The following MAX variants were observed in gnomAD, a reference collection of about 807,000 sequenced individuals.
The protein encoded by MAX is MYC associated transcriptional regulator X.
In MAX, 3 loss-of-function variants were observed where a neutral mutation model predicts 22.3. That is an observed-to-expected ratio of 0.13 (90% CI 0.06 to 0.35). MAX has a LOEUF of 0.35. Ranked by LOEUF, MAX falls within the 10% of genes least tolerant of loss-of-function variation. The pLI is 1.00. For synonymous variants in MAX, 72 were observed against 77.7 expected (o/e 0.93, Z 0.39); for missense variants, 119 against 209.4 (o/e 0.57, Z 2.66).
At position 65,079,288 on chromosome 14, in the gene MAX, T is replaced by A. The variant is rs902859575; in HGVS notation, c.172-1252A>T. On this transcript the variant is annotated intron_variant, in intron 3 of 4. Transcript: ENST00000358664. This position sits in a 1 kb window ranked among gnomAD's most constrained non-coding sequence, Gnocchi z 4.5. ...ACTTTCATAAAAAGCTGTCGGTGCT[T>A]GATGTCAACACAGGAAGAGCATGAG... Among the ~76,000 whole-genome samples, 2 of 152,190 alleles carry A rather than the reference T, an allele frequency of 1.3e-5. No individual in the cohort carries two copies. Among genetic ancestry groups the A allele is most frequent in the South Asian group, 4.1e-4 (2 of 4,832 alleles).
intron 3 of MAX, among the ~76,000 whole-genome samples, chr14:65,021,404 C>T (rs1324687233): frequency 6.6e-6 from 1 of 152,178 alleles, no homozygotes; most frequent in African/African-American, 2.4e-5. Context: ...TAGCTTATCC[C>T]CGGAATAGCC....
At chr14:65,086,731 G>C (rs2063343923) in intron 3 of MAX, among the ~76,000 whole-genome samples, 1 of 152,210 alleles carries the variant, frequency 6.6e-6, no homozygotes, top group African/African-American at 2.4e-5. Context: ...TTTGTAGCCT[G>C]ACAATGTGAT....
rs572823925 is a variant in MAX, at chr14:65,075,700, A to T, written c.*776T>A. 2 of 1,065,864 alleles carry T rather than the reference A, an allele frequency of 1.9e-6. No homozygotes were observed. The highest frequency in any genetic ancestry group is 3.3e-5 in the African/African-American group (2 of 60,976). The allele number at this position is 1,065,864 out of a possible 1,614,324, so 66.0% of individuals were successfully genotyped here. On this transcript the variant is annotated 3_prime_UTR_variant, in exon 5 of 5. Coordinates refer to ENST00000358664, the MANE Select transcript of MAX (RefSeq NM_002382.5). The surrounding 1 kb of genome is among the most constrained non-coding windows in gnomAD (Gnocchi z 4.1). ...ACAAAACCTCTATGCCACCCAAAAC[A>T]CCCTCCCTGTCCCAACCCCAAATGG...
Position 65,054,478 on chromosome 14 carries a change from C to G in MAX, c.171+39230G>C. ...TAGCCACATGGAGGATGGGGGGGGA[C>G]GTGTGATTGCACCAGTGGTCTCTGA... On this transcript the variant is annotated intron_variant, in intron 3 of 3. Coordinates refer to the MAX transcript ENST00000341653. The surrounding 1 kb of genome is among the most constrained non-coding windows in gnomAD (Gnocchi z 4.4). 1 of 1,207,250 alleles carries G rather than the reference C, an allele frequency of 8.3e-7. No homozygotes were observed. The highest frequency in any genetic ancestry group is 1.2e-6 in the Non-Finnish European group (1 of 852,350). 74.8% of individuals were successfully genotyped at this position (1,207,250 alleles called of 1,614,324 possible).
chr14:65,054,470 G>A lies in MAX; in HGVS notation c.171+39238C>T, dbSNP rs1042594652. 3 of 1,120,876 alleles carry A rather than the reference G, an allele frequency of 2.7e-6. No homozygotes were observed. The highest frequency in any genetic ancestry group is 2.2e-5 in the Admixed American group (1 of 45,256). 69.4% of individuals were successfully genotyped at this position (1,120,876 alleles called of 1,614,324 possible). A position where few individuals can be genotyped will look rare whatever the true frequency, so the allele number is the denominator to read the frequency against. ...GCCTCCTCTAGCCACATGGAGGATG[G>A]GGGGGGACGTGTGATTGCACCAGTG... On this transcript the variant is annotated intron_variant, in intron 3 of 3. Transcript: ENST00000341653. This position sits in a 1 kb window ranked among gnomAD's most constrained non-coding sequence, Gnocchi z 4.4.
rs553055778 is a variant in MAX at position 65,077,558 on chromosome 14, C to T, written c.295+355G>A. ...CCCTGAACACCTGGAGTCTCTGGTA[C>T]TTACACAGCACATTCCACTCCAAGG... On this transcript the variant is annotated intron_variant, in intron 4 of 4. Transcript: ENST00000358664. This position sits in a 1 kb window ranked among gnomAD's most constrained non-coding sequence, Gnocchi z 6.3. 35 of 925,956 alleles carry T rather than the reference C, an allele frequency of 3.8e-5. No individual in the cohort carries two copies. The African/African-American group carries it at 5.0e-4, about 13-fold the overall frequency. 57.4% of individuals were successfully genotyped at this position (925,956 alleles called of 1,614,324 possible). A position where few individuals can be genotyped will look rare whatever the true frequency, so the allele number is the denominator to read the frequency against.
chr14:65,061,434 C>T, intron 3 of MAX: 1 of 1,434,112 alleles, frequency 7.0e-7, no homozygotes, highest in South Asian at 1.4e-5. Flanking sequence ...CTGTGGTTCT[C>T]TTGGTACTTT....
Position 65,029,636 on chromosome 14 carries a change from C to G in MAX, c.172-23352G>C, listed in dbSNP as rs1307624820. Among the ~76,000 whole-genome samples the G allele has an allele frequency of 2.6e-5, 4 of 152,298 alleles. No homozygotes were observed. Among genetic ancestry groups the G allele is most frequent in the Non-Finnish European group, 4.4e-5 (3 of 68,032 alleles). Reference sequence around the variant, plus strand: ...GTGAGGATAAGGTGGAGGCAGGGATCTAGCATTTGCAGAAGTTTGGTGAGA... The same window carrying G: ...GTGAGGATAAGGTGGAGGCAGGGATGTAGCATTTGCAGAAGTTTGGTGAGA... On this transcript the variant is annotated intron_variant, in intron 3 of 3. Coordinates refer to the MAX transcript ENST00000341653. The surrounding 1 kb of genome is among the most constrained non-coding windows in gnomAD (Gnocchi z 4.7).
intron 3 of MAX, among the ~76,000 whole-genome samples, chr14:65,064,540 C>G (rs1315678647): frequency 6.6e-6 from 1 of 152,176 alleles, no homozygotes; most frequent in Admixed American, 6.5e-5. Flanking sequence ...GGGTCAGGTT[C>G]AGCAGACAGG....
Position 65,077,292 on chromosome 14 carries a change from A to ATTTATTTTAT in MAX, c.295+611_295+620dup, listed in dbSNP as rs1365435799. ...TGAGCCTGGAAGGTCAACCCATTTA[A>ATTTATTTTAT]TTTATTTTATTTTATTTTATTTGAG... On this transcript the variant is annotated intron_variant, in intron 4 of 4. Coordinates refer to ENST00000358664, the MANE Select transcript of MAX (RefSeq NM_002382.5). The surrounding 1 kb of genome is among the most constrained non-coding windows in gnomAD (Gnocchi z 6.3). The ATTTATTTTAT allele has an allele frequency of 1.1e-4, 147 of 1,302,968 alleles. 1 individual carries two copies. The African/African-American group carries it at 2.0e-3, about 18-fold the overall frequency. 80.7% of individuals were successfully genotyped at this position (1,302,968 alleles called of 1,614,324 possible).
intron 3 of MAX, among the ~76,000 whole-genome samples, chr14:65,052,141 A>G (rs1161897681): frequency 6.6e-6 from 1 of 152,172 alleles, no homozygotes; most frequent in African/African-American, 2.4e-5. Context: ...TTTTTAGCTC[A>G]GTTCTTTTTA....
chr14:65,086,719 A>G (rs1274943550), intron 3 of MAX, among the ~76,000 whole-genome samples: 1 of 152,180 alleles, frequency 6.6e-6, no homozygotes, highest in East Asian at 1.9e-4. Flanking sequence ...AAGTTCAGAA[A>G]ATTTGTAGCC....
Position 65,012,310 on chromosome 14 carries a change from T to G in MAX, c.172-6026A>C. 1 of 1,614,096 alleles carries G rather than the reference T, an allele frequency of 6.2e-7. No individual in the cohort carries two copies. On this transcript the variant is annotated intron_variant, in intron 3 of 3. Coordinates refer to the MAX transcript ENST00000341653. This position sits in a 1 kb window ranked among gnomAD's most constrained non-coding sequence, Gnocchi z 5.0. ...AGAATGGGCTTATAAACTGTTTGTCTTTCCAGGCTTGTTTTGCAGAGGGAG... is the reference window on the plus strand; with the variant it reads ...AGAATGGGCTTATAAACTGTTTGTCGTTCCAGGCTTGTTTTGCAGAGGGAG...
chr14:65,037,146 C>T (rs1167682394), intron 3 of MAX, among the ~76,000 whole-genome samples: 2 of 150,944 alleles, frequency 1.3e-5, no homozygotes, highest in African/African-American at 2.4e-5. Context: ...TGTTGTTACC[C>T]GGGCTGGAGT....
Position 65,044,784 on chromosome 14 carries a change from C to G in MAX, c.172-38500G>C, listed in dbSNP as rs906037679. 1 of 268,484 alleles carries G rather than the reference C, an allele frequency of 3.7e-6. No homozygotes were observed. Among genetic ancestry groups the G allele is most frequent in the Non-Finnish European group, 7.1e-6 (1 of 141,746 alleles). The allele number at this position is 268,484 out of a possible 1,614,324, so 16.6% of individuals were successfully genotyped here. A position where few individuals can be genotyped will look rare whatever the true frequency, so the allele number is the denominator to read the frequency against. Reference sequence around the variant, plus strand: ...GGCTCTGTGGTGATTGCCACCTCCTCTGGGTGCAGGGCAGAGCTGAAAACC... The same window carrying G: ...GGCTCTGTGGTGATTGCCACCTCCTGTGGGTGCAGGGCAGAGCTGAAAACC... On this transcript the variant is annotated intron_variant, in intron 3 of 3. Transcript: ENST00000341653. The surrounding 1 kb of genome is among the most constrained non-coding windows in gnomAD (Gnocchi z 5.5).
At chr14:65,053,399 A>G in intron 3 of MAX, 8 of 1,340,200 alleles carry the variant, frequency 6.0e-6, no homozygotes, top group Non-Finnish European at 7.7e-6. Flanking sequence ...GAGAGAGCAG[A>G]GGGGCGTGCA....
chr14:65,032,556 G>C lies in MAX; in HGVS notation c.172-26272C>G. ...GCAGTCCGCCCGCGGAGTTCACTGAGCCTCATTAGCTCTTCCGTAGAGCTT... is the reference window on the plus strand; with the variant it reads ...GCAGTCCGCCCGCGGAGTTCACTGACCCTCATTAGCTCTTCCGTAGAGCTT... On this transcript the variant is annotated intron_variant, in intron 3 of 3. Transcript: ENST00000341653. The surrounding 1 kb of genome is among the most constrained non-coding windows in gnomAD (Gnocchi z 5.0). 6.3e-7 allele frequency: 1 copy of C among 1,598,510 alleles called. No individual in the cohort carries two copies. The highest frequency in any genetic ancestry group is 8.5e-7 in the Non-Finnish European group (1 of 1,173,498).
intron 3 of MAX, among the ~76,000 whole-genome samples, chr14:65,026,861 C>CAA (rs577920846): frequency 7.4e-6 from 1 of 135,624 alleles, no homozygotes; most frequent in South Asian, 2.4e-4. Flanking sequence ...AACCCCGCCT[C>CAA]AAAAAAAAAA....
rs1224698090 is a variant in MAX, at chr14:65,075,658, C to T, written c.*818G>A. 2 of 1,066,340 alleles carry T rather than the reference C, an allele frequency of 1.9e-6. No homozygotes were observed. Among genetic ancestry groups the T allele is most frequent in the African/African-American group, 3.3e-5 (2 of 61,100 alleles). 66.1% of individuals were successfully genotyped at this position (1,066,340 alleles called of 1,614,324 possible). A position where few individuals can be genotyped will look rare whatever the true frequency, so the allele number is the denominator to read the frequency against. On this transcript the variant is annotated 3_prime_UTR_variant, in exon 5 of 5. Coordinates refer to ENST00000358664, the MANE Select transcript of MAX (RefSeq NM_002382.5). The surrounding 1 kb of genome is among the most constrained non-coding windows in gnomAD (Gnocchi z 4.1). ...TAGCAGGAAATAAATATCAAAACAT[C>T]ATCACTGGCCCTCAATACAAAACCT... is the stretch of plus-strand genomic sequence containing the variant.
Sources: allele counts gnomAD v4.1 joint callset (sites outside exome capture counted in the v4.1 genomes callset), GRCh38; gene constraint gnomAD v4.1.1; non-coding constraint Gnocchi (gnomAD v3.1); transcripts MANE v1.5; gene names NCBI Gene and HGNC (gene_info 2026-07-23, HGNC 2026-07-21).